RPRD2: variants seen among roughly 807,000 people sequenced by gnomAD.
RPRD2 encodes the protein regulation of nuclear pre-mRNA domain-containing protein 2.
RPRD2 carries 12 observed loss-of-function variants against 104.4 expected under a neutral mutation model. The ratio of observed to expected loss-of-function variants is 0.11; its 90% confidence interval spans 0.07 to 0.19. RPRD2 has a LOEUF of 0.19. Ranked by LOEUF, RPRD2 falls within the 10% of genes least tolerant of loss-of-function variation. The pLI is 1.00. For missense variants in RPRD2, 1,543 were observed against 1,790.1 expected, an observed-to-expected ratio of 0.86 and a Z score of 2.49; for synonymous variants, 714 against 684.9, an observed-to-expected ratio of 1.04 and a Z score of -0.66.
chr1:150,411,847 T>G (rs1243662215), intron 1 of RPRD2, among the ~76,000 whole-genome samples: 2 of 141,674 alleles, frequency 1.4e-5, no homozygotes, highest in African/African-American at 5.4e-5. Context: ...GGCAGTAGGC[T>G]AGGCGCGGTG....
chr1:150,373,063 G>C (rs1358507680), intron 1 of RPRD2, among the ~76,000 whole-genome samples: 3 of 151,848 alleles, frequency 2.0e-5, no homozygotes, highest in Non-Finnish European at 2.9e-5. Context: ...GCTCAGGCTG[G>C]AGTGCAATGG....
In RPRD2 at chr1:150,387,566, C is replaced by CTTTTTTTTTTTTTTTTTTTTTTTTTTTT. The variant is rs1661661325; in HGVS notation, c.205+22647_205+22648insTTTTTTTTTTTTTTTTTTTTTTTTTTTT. Among the ~76,000 whole-genome samples the CTTTTTTTTTTTTTTTTTTTTTTTTTTTT allele has an allele frequency of 5.7e-5, 4 of 70,116 alleles. 2 individuals carry two copies. The allele number at this position is 70,116 out of a possible 152,430, so 46.0% of individuals were successfully genotyped here. On this transcript the variant is annotated intron_variant, in intron 1 of 10. Transcript: ENST00000369068. ...TAAATCTTACAGAAGTTGCAACAGA[C>CTTTTTTTTTTTTTTTTTTTTTTTTTTTT]CTTTTTTTTTTTTTTTTTTTTTTTT...
intron 1 of RPRD2, among the ~76,000 whole-genome samples, chr1:150,399,967 T>C (rs115155736): frequency 6.6e-6 from 1 of 152,144 alleles, no homozygotes; most frequent in African/African-American, 2.4e-5. Flanking sequence ...CTAAATTGAA[T>C]GTGGACATTA....
In RPRD2 at chr1:150,425,172, TA is replaced by T. The variant is rs1553890351; in HGVS notation, c.335+7449del. Among the ~76,000 whole-genome samples the T allele has an allele frequency of 5.9e-5, 9 of 152,194 alleles. 1 individual carries two copies. On this transcript the variant is annotated intron_variant, in intron 2 of 10. Coordinates refer to ENST00000369068, the MANE Select transcript of RPRD2 (RefSeq NM_015203.5). The stretch of plus-strand genomic sequence containing the variant: ...TAAAGTGTGGAAACTAAAGAGTTAA[TA>T]ATATATATAAAGGGCTTAGAACAGT...
chr1:150,377,569 G>T (rs1358977618), intron 1 of RPRD2, among the ~76,000 whole-genome samples: 1 of 149,126 alleles, frequency 6.7e-6, no homozygotes, highest in African/African-American at 2.5e-5. Context: ...CTGCACTCTA[G>T]CCTGGGCGAC....
chr1:150,414,010 T>C (rs1664141441), intron 1 of RPRD2, among the ~76,000 whole-genome samples: 1 of 152,118 alleles, frequency 6.6e-6, no homozygotes, highest in African/African-American at 2.4e-5. Context: ...GGAGGATCAC[T>C]TGAACCCAGG....
In RPRD2 at chr1:150,472,401, T is replaced by A; in HGVS notation, c.3453T>A (p.Leu1151=). 6.2e-7 allele frequency: 1 copy of A among 1,613,954 alleles called. No homozygotes were observed. Among genetic ancestry groups the A allele is most frequent in the Non-Finnish European group, 8.5e-7 (1 of 1,179,870 alleles). ...GPSSASELAS[L]GGGGSGGLTG... is the part of the protein sequence containing the mutation. ...CAAGTGCCTCTGAGTTGGCATCCCT[T>A]GGGGGTGGGGGCAGCGGAGGCCTCA... is the stretch of plus-strand genomic sequence containing the variant. The change falls in exon 11 of 11, where the codon CTT becomes CTA. Residue 1151 remains leucine (L), a synonymous_variant. Transcript: ENST00000369068.
chr1:150,408,039 G>A (rs1363884136), intron 1 of RPRD2, among the ~76,000 whole-genome samples: 1 of 150,954 alleles, frequency 6.6e-6, no homozygotes, highest in African/African-American at 2.4e-5. Flanking sequence ...CTCCCAAAAT[G>A]TTGGGATTAT....
chr1:150,473,431 A>ATT lies in RPRD2; in HGVS notation c.*106_*107dup. The ATT allele has an allele frequency of 2.5e-6, 3 of 1,177,742 alleles. No homozygotes were observed. Among genetic ancestry groups the ATT allele is most frequent in the Non-Finnish European group, 3.5e-6 (3 of 868,140 alleles). 73.0% of individuals were successfully genotyped at this position (1,177,742 alleles called of 1,614,324 possible). A position where few individuals can be genotyped will look rare whatever the true frequency, so the allele number is the denominator to read the frequency against. Reference sequence around the variant, plus strand: ...GTTTTTATTTGTTTTCTCTTTCTCGATTTTTTTTTTATTATAACAAAGGGC... The same window carrying ATT: ...GTTTTTATTTGTTTTCTCTTTCTCGATTTTTTTTTTTTATTATAACAAAGGGC... On this transcript the variant is annotated 3_prime_UTR_variant, in exon 11 of 11. Transcript: ENST00000369068.
chr1:150,388,038 T>C (rs1661731824), intron 1 of RPRD2, among the ~76,000 whole-genome samples: 1 of 149,558 alleles, frequency 6.7e-6, no homozygotes, highest in South Asian at 2.1e-4. Flanking sequence ...CACCTCAGCC[T>C]CCTAAGTAGC....
At position 150,466,562 on chromosome 1, in the gene RPRD2, A is replaced by AT. The variant is rs782422453; in HGVS notation, c.1612+1838dup. On this transcript the variant is annotated intron_variant, in intron 10 of 10. Coordinates refer to ENST00000369068, the MANE Select transcript of RPRD2 (RefSeq NM_015203.5). ...CTGCCTCAAAAAAAAAAAAAAAAAA[A>AT]TTTCTGAGACATGAATATATCTTTT... Among the ~76,000 whole-genome samples the AT allele has an allele frequency of 7.8e-4, 116 of 148,296 alleles. 2 individuals are homozygous for AT. The East Asian group carries it at 8.2e-3, about 10-fold the overall frequency.
intron 1 of RPRD2, among the ~76,000 whole-genome samples, chr1:150,371,732 G>T (rs920886984): frequency 1.3e-5 from 2 of 152,286 alleles, no homozygotes; most frequent in African/African-American, 2.4e-5. Context: ...GATGGAGACA[G>T]AATTCAAACC....
intron 1 of RPRD2, among the ~76,000 whole-genome samples, chr1:150,373,149 G>A (rs1257219587): frequency 1.3e-5 from 2 of 152,056 alleles, no homozygotes; most frequent in African/African-American, 4.8e-5. Flanking sequence ...GAGTAGCTGG[G>A]ATTACAGGTG....
chr1:150,462,186 G>A (rs1381390984), intron 9 of RPRD2, among the ~76,000 whole-genome samples: 2 of 151,960 alleles, frequency 1.3e-5, no homozygotes, highest in African/African-American at 4.8e-5. Context: ...GGAGGCTGAG[G>A]CAGGACAATC....
chr1:150,475,654 G>C lies in RPRD2; in HGVS notation c.*2320G>C, dbSNP rs1457242221. ...AGTGAGGATTTGTATGAGACTGTCA[G>C]CTATTAATTTTAAGGAAATCTTAAA... On this transcript the variant is annotated 3_prime_UTR_variant, in exon 11 of 11. Coordinates refer to ENST00000369068, the MANE Select transcript of RPRD2 (RefSeq NM_015203.5). 1.3e-5 allele frequency: 2 copies of C among 152,540 alleles called. No homozygotes were observed. Among genetic ancestry groups the C allele is most frequent in the African/African-American group, 4.8e-5 (2 of 41,408 alleles). The allele number at this position is 152,540 out of a possible 1,614,324, so 9.4% of individuals were successfully genotyped here.
intron 5 of RPRD2, 91 bp downstream of exon 5, chr1:150,443,374 T>G (rs897578871): frequency 1.1e-6 from 1 of 923,482 alleles, no homozygotes; most frequent in Non-Finnish European, 1.7e-6. Flanking sequence ...TTTATCTGTA[T>G]TCAATTACAC....
At chr1:150,430,569 G>A (rs1471406362) in intron 2 of RPRD2, among the ~76,000 whole-genome samples, 2 of 152,194 alleles carry the variant, frequency 1.3e-5, no homozygotes, top group Non-Finnish European at 2.9e-5. Context: ...AGGAGGCTGA[G>A]GCGGGAGGAT....
At chr1:150,459,702 C>T (rs1327311273) in intron 8 of RPRD2, among the ~76,000 whole-genome samples, 1 of 151,256 alleles carries the variant, frequency 6.6e-6, no homozygotes, top group Admixed American at 6.6e-5. Flanking sequence ...AAGCGATTCT[C>T]GTGTCTCAGC....
rs1015236851 is a variant in RPRD2 at position 150,461,396 on chromosome 1, T to C, written c.1411+1079T>C. ...AAAAGTAAGTGTATTGCATATACTG[T>C]TTCAAAACTAGCTATTTAAAAGTTA... On this transcript the variant is annotated intron_variant, in intron 9 of 10. Coordinates refer to ENST00000369068, the MANE Select transcript of RPRD2 (RefSeq NM_015203.5). Among the ~76,000 whole-genome samples, 12 of 152,226 alleles carry C rather than the reference T, an allele frequency of 7.9e-5. 1 individual carries two copies. Among genetic ancestry groups the C allele is most frequent in the Admixed American group, 7.9e-4 (12 of 15,282 alleles).
Sources: gnomAD v4.1 joint callset for allele counts (sites outside exome capture counted in the v4.1 genomes callset) on GRCh38, gnomAD v4.1.1 for gene constraint, MANE v1.5 for transcripts, NCBI Gene and HGNC (gene_info 2026-07-23, HGNC 2026-07-21) for gene names.